Variants in SLMAP observed in about 807,000 individuals in gnomAD.
SLMAP encodes the protein sarcolemma associated protein.
Under a neutral mutation model 128.8 loss-of-function variants are expected in SLMAP, and 44 were observed. The ratio of observed to expected loss-of-function variants is 0.34; its 90% CI spans 0.27 to 0.44. The LOEUF (loss-of-function observed/expected upper bound fraction) is 0.44. SLMAP is among the 20% of genes least tolerant of loss of function. The pLI, the probability that SLMAP is intolerant of heterozygous loss-of-function variation, is 1.00. For missense variants in SLMAP, 787 were observed against 985.3 expected, an observed-to-expected ratio of 0.80 and a Z score of 2.69; for synonymous variants, 327 against 348.8, an observed-to-expected ratio of 0.94 and a Z score of 0.70.
rs983041495 is a variant in SLMAP at position 57,848,370 on chromosome 3, C to T, written c.456+1137C>T. 2.7e-5 allele frequency among the ~76,000 whole-genome samples: 4 copies of T among 150,414 alleles called. No homozygotes were observed. In the East Asian group the frequency reaches 8.0e-4, roughly 30 times the overall value. On this transcript the variant is annotated intron_variant, in intron 5 of 24. Coordinates refer to ENST00000671191, the MANE Select transcript of SLMAP (RefSeq NM_001377540.1). ...CCTTTTACTTTCTTCTTTCTTCCTCCTTCTGCCTTCTTTCTTTTTCCTTCT... is the reference window on the plus strand; with the variant it reads ...CCTTTTACTTTCTTCTTTCTTCCTCTTTCTGCCTTCTTTCTTTTTCCTTCT...
intron 17 of SLMAP, among the ~76,000 whole-genome samples, chr3:57,906,050 T>TAAAAA (rs1168626870): frequency 1.7e-3 from 176 of 105,952 alleles, no homozygotes; most frequent in African/African-American, 6.0e-3. Context: ...AAATACTCCT[T>TAAAAA]AAAAAAAAAA....
intron 2 of SLMAP, among the ~76,000 whole-genome samples, chr3:57,765,896 C>T (rs1435889901): frequency 6.6e-6 from 1 of 151,974 alleles, no homozygotes; most frequent in Non-Finnish European, 1.5e-5. Flanking sequence ...AAAATATCGA[C>T]AGTGTATATA....
At chr3:57,856,243 C>A (rs1010314919) in intron 6 of SLMAP, among the ~76,000 whole-genome samples, 3 of 151,958 alleles carry the variant, frequency 2.0e-5, no homozygotes, top group Admixed American at 6.6e-5. Flanking sequence ...AAAAAAAGTT[C>A]TTCTTTCTTC....
intron 2 of SLMAP, among the ~76,000 whole-genome samples, chr3:57,826,736 T>C (rs1050157190): frequency 3.3e-4 from 50 of 152,184 alleles, no homozygotes; most frequent in African/African-American, 1.2e-3. Context: ...TGCACTCACT[T>C]GTTATTGGAT....
chr3:57,861,390 G>T (rs2095054442), intron 9 of SLMAP, among the ~76,000 whole-genome samples: 1 of 152,084 alleles, frequency 6.6e-6, no homozygotes, highest in Admixed American at 6.5e-5. Flanking sequence ...TTGAACCACT[G>T]CAAAATTACC....
intron 3 of SLMAP, among the ~76,000 whole-genome samples, chr3:57,833,007 A>C (rs904080223): frequency 6.6e-6 from 1 of 152,218 alleles, no homozygotes; most frequent in African/African-American, 2.4e-5. Context: ...TCATTCAGCA[A>C]ACAGTAAACC....
In SLMAP at chr3:57,928,034, G is replaced by A. The variant is rs2097035217; in HGVS notation, c.*745G>A. ...GTGCACGCTTGTTCAGCCTTAATGT[G>A]ACTTGAAGATGTGGAGGACATCAAC... On this transcript the variant is annotated 3_prime_UTR_variant, in exon 25 of 25. Transcript: ENST00000671191. 1 of 152,368 alleles carries A rather than the reference G, an allele frequency of 6.6e-6. No individual in the cohort carries two copies. Among genetic ancestry groups the A allele is most frequent in the South Asian group, 2.1e-4 (1 of 4,826 alleles). 9.4% of individuals were successfully genotyped at this position (152,368 alleles called of 1,614,324 possible). A position where few individuals can be genotyped will look rare whatever the true frequency, so the allele number is the denominator to read the frequency against.
intron 3 of SLMAP, among the ~76,000 whole-genome samples, chr3:57,838,019 A>G (rs568965752): frequency 6.6e-6 from 1 of 152,112 alleles, no homozygotes; most frequent in South Asian, 2.1e-4. Context: ...CCCTTGGTTC[A>G]TCTCATAGAT....
At chr3:57,916,631 T>G (rs1180013140) in intron 21 of SLMAP, among the ~76,000 whole-genome samples, 1 of 152,212 alleles carries the variant, frequency 6.6e-6, no homozygotes, top group Non-Finnish European at 1.5e-5. Flanking sequence ...TAATACAATT[T>G]GATACAACAA....
chr3:57,861,173 A>AG (rs1291437362), intron 9 of SLMAP, among the ~76,000 whole-genome samples: 1 of 149,680 alleles, frequency 6.7e-6, no homozygotes, highest in Admixed American at 6.6e-5. Context: ...CTTCTATTTG[A>AG]GGGGGGTCAG....
In SLMAP at chr3:57,810,311, G is replaced by A. The variant is rs571658418; in HGVS notation, c.199-21072G>A. ...CTTGCCACTCCATGCCTGGCTTGCCGTTGGCAGGCATGGGATCCAGGCTGG... is the reference window on the plus strand; with the variant it reads ...CTTGCCACTCCATGCCTGGCTTGCCATTGGCAGGCATGGGATCCAGGCTGG... On this transcript the variant is annotated intron_variant, in intron 2 of 24. Coordinates refer to ENST00000671191, the MANE Select transcript of SLMAP (RefSeq NM_001377540.1). 3.4e-3 allele frequency among the ~76,000 whole-genome samples: 512 copies of A among 152,260 alleles called. 5 individuals are homozygous for A. The highest frequency in any genetic ancestry group is 6.5e-3 in the Admixed American group (100 of 15,296).
At chr3:57,837,972 A>G (rs1340636587) in intron 3 of SLMAP, among the ~76,000 whole-genome samples, 1 of 152,166 alleles carries the variant, frequency 6.6e-6, no homozygotes, top group East Asian at 1.9e-4. Context: ...ATTGCCTTCA[A>G]CTGTGCAGCA....
In SLMAP at chr3:57,925,827, A is replaced by T. The variant is rs1165731019; in HGVS notation, c.2446-18A>T. On this transcript the variant is annotated intron_variant, in intron 23 of 24. Transcript: ENST00000671191. ...TTTCATAGCATAAAATGATTTTAATATGCCTTCCCTTCTTTAGCCTTCCAT... is the reference window on the plus strand; with the variant it reads ...TTTCATAGCATAAAATGATTTTAATTTGCCTTCCCTTCTTTAGCCTTCCAT... The T allele has an allele frequency of 1.3e-6, 2 of 1,523,834 alleles. No individual in the cohort carries two copies. The highest frequency in any genetic ancestry group is 2.5e-5 in the East Asian group (1 of 40,816). The allele number at this position is 1,523,834 out of a possible 1,614,324, so 94.4% of individuals were successfully genotyped here. A position where few individuals can be genotyped will look rare whatever the true frequency, so the allele number is the denominator to read the frequency against.
chr3:57,763,738 G>T (rs1465306651), intron 2 of SLMAP, among the ~76,000 whole-genome samples: 1 of 152,168 alleles, frequency 6.6e-6, no homozygotes, highest in Non-Finnish European at 1.5e-5. Context: ...AAATAGTTGA[G>T]ATAGGTGATA....
chr3:57,868,934 GTT>G (rs1180253363), intron 13 of SLMAP, among the ~76,000 whole-genome samples: 4 of 127,200 alleles, frequency 3.1e-5, no homozygotes, highest in African/African-American at 1.2e-4. Context: ...TATAATATAT[GTT>G]ATATGTGTGT....
intron 2 of SLMAP, among the ~76,000 whole-genome samples, chr3:57,830,151 C>T (rs969301853): frequency 6.6e-6 from 1 of 152,188 alleles, no homozygotes; most frequent in Non-Finnish European, 1.5e-5. Flanking sequence ...TCTCCTGCCT[C>T]AGCCTCCCAA....
chr3:57,847,659 C>G (rs545178367), intron 5 of SLMAP, among the ~76,000 whole-genome samples: 4 of 152,184 alleles, frequency 2.6e-5, no homozygotes, highest in African/African-American at 9.6e-5. Flanking sequence ...TTGAAGGTTA[C>G]TTTTTACCTG....
chr3:57,827,158 C>CT (rs1193873946), intron 2 of SLMAP, among the ~76,000 whole-genome samples: 1 of 152,164 alleles, frequency 6.6e-6, no homozygotes, highest in Admixed American at 6.5e-5. Flanking sequence ...TGTGGTGTGT[C>CT]TACTATATTT....
chr3:57,875,987 A>G (rs1163905514), intron 14 of SLMAP, among the ~76,000 whole-genome samples: 1 of 152,242 alleles, frequency 6.6e-6, no homozygotes, highest in Non-Finnish European at 1.5e-5. Flanking sequence ...CATTATTTTC[A>G]TTGATAGGTA....
Sources: gnomAD v4.1 joint callset for allele counts (sites outside exome capture counted in the v4.1 genomes callset) on GRCh38, gnomAD v4.1.1 for gene constraint, MANE v1.5 for transcripts, NCBI Gene and HGNC (gene_info 2026-07-23, HGNC 2026-07-21) for gene names.